The following RPSA2 variants were observed in gnomAD, a reference collection of about 807,000 sequenced individuals.
The protein encoded by RPSA2 is small ribosomal subunit protein uS2B.
At chr19:23,783,539 C>CAAAAAAAA in the RPSA2 span, among the ~76,000 whole-genome samples, 1 of 131,040 alleles carries the variant, frequency 7.6e-6, no homozygotes, top group African/African-American at 2.9e-5. Flanking sequence ...TGAGCACTGC[C>CAAAAAAAA]AAAAAAAAAA....
chr19:23,766,142 CCTT>C, the RPSA2 span, among the ~76,000 whole-genome samples: 3 of 43,260 alleles, frequency 6.9e-5, no homozygotes, highest in South Asian at 5.8e-4. Flanking sequence ...TATTTCATTT[CCTT>C]TTTTTTTTTT....
At chr19:23,787,712 A>G in the RPSA2 span, among the ~76,000 whole-genome samples, 1 of 152,190 alleles carries the variant, frequency 6.6e-6, no homozygotes, top group African/African-American at 2.4e-5. Context: ...TCACAGGAAG[A>G]ATCGTGACCT....
chr19:23,868,796 C>G, the RPSA2 span, among the ~76,000 whole-genome samples: 1 of 152,084 alleles, frequency 6.6e-6, no homozygotes, highest in African/African-American at 2.4e-5. Context: ...GTGCGTGCAA[C>G]CATGGAATGG....
the RPSA2 span, among the ~76,000 whole-genome samples, chr19:23,766,142 CCTTTTTTTTTTTT>C: frequency 9.2e-5 from 4 of 43,260 alleles, no homozygotes; most frequent in South Asian, 5.8e-4. Flanking sequence ...TATTTCATTT[CCTTTTTTTTTTTT>C]TTTTTTTTTT....
chr19:23,870,018 A>C, the RPSA2 span, among the ~76,000 whole-genome samples: 38 of 152,226 alleles, frequency 2.5e-4, no homozygotes, highest in African/African-American at 7.5e-4. Context: ...TAATATCTCT[A>C]CTTTGATATT....
the RPSA2 span, among the ~76,000 whole-genome samples, chr19:23,820,246 G>A: frequency 1.3e-5 from 2 of 152,164 alleles, no homozygotes; most frequent in African/African-American, 4.8e-5. Flanking sequence ...GCAGTGAGCC[G>A]TGGCACATAG....
At chr19:23,761,932 T>TCCTTCCTTCCTTC in the RPSA2 span, among the ~76,000 whole-genome samples, 1 of 53,042 alleles carries the variant, frequency 1.9e-5, no homozygotes, top group Admixed American at 2.8e-4. Context: ...TTTTTTTTTT[T>TCCTTCCTTCCTTC]TTTGAGATGG....
the RPSA2 span, among the ~76,000 whole-genome samples, chr19:23,815,585 C>G: frequency 6.6e-6 from 1 of 152,132 alleles, no homozygotes; most frequent in Admixed American, 6.5e-5. Context: ...TTTGTACAGT[C>G]TGCTGGATTG....
the RPSA2 span, among the ~76,000 whole-genome samples, chr19:23,856,213 G>T: frequency 6.6e-6 from 1 of 151,982 alleles, no homozygotes; most frequent in Non-Finnish European, 1.5e-5. Flanking sequence ...TCATTAGGAT[G>T]GCACTTACAA....
the RPSA2 span, among the ~76,000 whole-genome samples, chr19:23,787,377 T>C: frequency 6.6e-6 from 1 of 151,658 alleles, no homozygotes. Context: ...CTGAGGGAAG[T>C]GGATCACAAG....
the RPSA2 span, among the ~76,000 whole-genome samples, chr19:23,826,456 G>A: frequency 1.3e-5 from 2 of 151,866 alleles, no homozygotes; most frequent in Non-Finnish European, 2.9e-5. Context: ...GCCTTTCAAA[G>A]TGCTGGGATT....
chr19:23,856,206 TTAGGATGGCACTTAC>T, the RPSA2 span, among the ~76,000 whole-genome samples: 1 of 151,976 alleles, frequency 6.6e-6, no homozygotes, highest in African/African-American at 2.4e-5. Context: ...TGGTATGTCA[TTAGGATGGCACTTAC>T]AAGGCCAAAT....
At chr19:23,790,558 C>T in the RPSA2 span, among the ~76,000 whole-genome samples, 4 of 151,988 alleles carry the variant, frequency 2.6e-5, no homozygotes, top group African/African-American at 9.7e-5. Context: ...CGACATTGGA[C>T]TGGAAACTGT....
the RPSA2 span, among the ~76,000 whole-genome samples, chr19:23,810,394 CAAAAA>C: frequency 1.5e-4 from 2 of 13,060 alleles, no homozygotes; most frequent in Non-Finnish European, 1.4e-4. Context: ...ACTCCCTCTC[CAAAAA>C]AAAAAAAAAA....
At chr19:23,846,096 A>T in the RPSA2 span, among the ~76,000 whole-genome samples, 6 of 152,236 alleles carry the variant, frequency 3.9e-5, no homozygotes, top group African/African-American at 1.4e-4. Flanking sequence ...AGGTTTAATA[A>T]TATTTCTTTT....
the RPSA2 span, among the ~76,000 whole-genome samples, chr19:23,806,453 T>C: frequency 6.6e-6 from 1 of 152,018 alleles, no homozygotes. Flanking sequence ...ATTAAGAAAA[T>C]GCTCATTTAA....
At chr19:23,828,070 T>G in the RPSA2 span, 133 of 602,048 alleles carry the variant, frequency 2.2e-4, 1 homozygote, top group Non-Finnish European at 3.7e-4. Context: ...CATAGGCTCT[T>G]AAGCAGCATG....
the RPSA2 span, among the ~76,000 whole-genome samples, chr19:23,796,226 G>C: frequency 6.6e-6 from 1 of 152,120 alleles, no homozygotes; most frequent in South Asian, 2.1e-4. Context: ...GTAATCTTGT[G>C]GTTTCTGTCT....
chr19:23,849,281 A>G, the RPSA2 span, among the ~76,000 whole-genome samples: 1 of 152,228 alleles, frequency 6.6e-6, no homozygotes, highest in Non-Finnish European at 1.5e-5. Context: ...GCAATGCCCG[A>G]TGTTCTCCAC....
Sources: allele counts gnomAD v4.1 joint callset (sites outside exome capture counted in the v4.1 genomes callset), GRCh38; gene constraint gnomAD v4.1.1; transcripts MANE v1.5; gene names NCBI Gene and HGNC (gene_info 2026-07-23, HGNC 2026-07-21).